RBFOX1: variants seen among roughly 807,000 people sequenced by gnomAD.
The protein encoded by RBFOX1 is RNA binding protein fox-1 homolog 1.
In RBFOX1, 8 loss-of-function variants were observed where a neutral mutation model predicts 57.7. That is an observed-to-expected ratio of 0.14 (90% CI 0.08 to 0.25). RBFOX1 has a LOEUF of 0.25. Ranked by LOEUF, RBFOX1 falls within the 10% of genes least tolerant of loss-of-function variation. The pLI is 1.00. For missense variants in RBFOX1, 611 were observed against 548.5 expected, an observed-to-expected ratio of 1.11 and a Z score of -1.14; for synonymous variants, 326 against 222.4, an observed-to-expected ratio of 1.47 and a Z score of -4.15.
intron 3 of RBFOX1, among the ~76,000 whole-genome samples, chr16:6,989,955 C>T (rs535081672): frequency 5.2e-4 from 79 of 152,054 alleles, no homozygotes; most frequent in African/African-American, 1.6e-3. Flanking sequence ...GAACTGAGAC[C>T]GCACCACCGC....
intron 3 of RBFOX1, among the ~76,000 whole-genome samples, chr16:7,036,076 A>G (rs532375507): frequency 6.6e-5 from 10 of 152,214 alleles, no homozygotes; most frequent in South Asian, 2.1e-4. Context: ...TCTTGTGTAA[A>G]GATCTCTTCA....
chr16:7,433,005 A>G (rs114537772), intron 4 of RBFOX1, among the ~76,000 whole-genome samples: 2 of 152,184 alleles, frequency 1.3e-5, no homozygotes, highest in Non-Finnish European at 2.9e-5. Context: ...AAGGAGGTTT[A>G]TATCTTGTAG....
intron 3 of RBFOX1, among the ~76,000 whole-genome samples, chr16:7,013,186 T>C (rs908706097): frequency 3.9e-5 from 6 of 152,248 alleles, no homozygotes; most frequent in Non-Finnish European, 8.8e-5. Context: ...TCATTGGCTT[T>C]GTGACTGAGA....
At chr16:6,940,076 C>G (rs2078094482) in intron 3 of RBFOX1, among the ~76,000 whole-genome samples, 2 of 152,104 alleles carry the variant, frequency 1.3e-5, no homozygotes, top group South Asian at 4.1e-4. Flanking sequence ...ATAGTAATCC[C>G]AGTTACTTGG....
intron 3 of RBFOX1, among the ~76,000 whole-genome samples, chr16:6,691,327 A>G (rs9927816): frequency 0.98 from 148,789 of 152,248 alleles, 72,775 homozygotes; most frequent in Middle Eastern, 1. Flanking sequence ...AATAAACATA[A>G]CTGTTTCTTA....
intron 3 of RBFOX1, chr16:5,632,374 G>C (rs543692773): frequency 6.6e-6 from 1 of 152,174 alleles, no homozygotes; most frequent in Non-Finnish European, 1.5e-5. Context: ...AACGTTATTT[G>C]ACCCCCTTAA....
chr16:5,835,845 T>C (rs755468848), intron 3 of RBFOX1, among the ~76,000 whole-genome samples: 1 of 152,202 alleles, frequency 6.6e-6, no homozygotes, highest in Non-Finnish European at 1.5e-5. Context: ...GGAGGAACCA[T>C]GCCCACAGGC....
chr16:7,383,138 C>G (rs187793482), intron 4 of RBFOX1, among the ~76,000 whole-genome samples: 148 of 152,120 alleles, frequency 9.7e-4, no homozygotes, highest in East Asian at 1.4e-3. Flanking sequence ...TTGTTCTGTG[C>G]TTCATTCAAG....
chr16:5,678,882 G>C (rs1481023057), intron 3 of RBFOX1, among the ~76,000 whole-genome samples: 1 of 152,154 alleles, frequency 6.6e-6, no homozygotes, highest in East Asian at 1.9e-4. Context: ...CCAGCTCATG[G>C]GTAAGGATGG....
chr16:7,059,824 T>G (rs2053689686), intron 4 of RBFOX1, among the ~76,000 whole-genome samples: 1 of 152,202 alleles, frequency 6.6e-6, no homozygotes, highest in Non-Finnish European at 1.5e-5. Flanking sequence ...CCAGCTGCAC[T>G]TTTCATTGTA....
chr16:6,111,458 C>T (rs11865262), intron 1 of RBFOX1, among the ~76,000 whole-genome samples: 6,216 of 152,192 alleles, frequency 0.041, 227 homozygotes, highest in African/African-American at 0.091. Context: ...AAGGAGTTTC[C>T]AAGAAAGTTT....
intron 3 of RBFOX1, among the ~76,000 whole-genome samples, chr16:5,659,807 T>C (rs1402504235): frequency 1.3e-5 from 2 of 152,208 alleles, no homozygotes; most frequent in East Asian, 3.9e-4. Flanking sequence ...GGCTTTGTCA[T>C]CAGTCAAATC....
Position 6,628,754 on chromosome 16 carries a change from C to T in RBFOX1, c.-63-25849C>T, listed in dbSNP as rs1050070201. On this transcript the variant is annotated intron_variant, in intron 2 of 15. Coordinates refer to ENST00000550418, the MANE Select transcript of RBFOX1 (RefSeq NM_018723.4). The stretch of plus-strand genomic sequence containing the variant: ...GACAGCTGAGTACACTTTTGTAACA[C>T]GAAGCTCTGTGAAGATATAGAACTG... 5.9e-5 allele frequency among the ~76,000 whole-genome samples: 9 copies of T among 152,248 alleles called. No homozygotes were observed. The East Asian group carries it at 7.7e-4, about 13-fold the overall frequency.
chr16:6,981,600 T>C (rs1434050960), intron 3 of RBFOX1, among the ~76,000 whole-genome samples: 1 of 152,144 alleles, frequency 6.6e-6, no homozygotes, highest in Non-Finnish European at 1.5e-5. Flanking sequence ...GGCCTCACAG[T>C]CATGATGGGA....
At chr16:7,155,270 G>C (rs1185724174) in intron 4 of RBFOX1, among the ~76,000 whole-genome samples, 1 of 151,978 alleles carries the variant, frequency 6.6e-6, no homozygotes, top group Non-Finnish European at 1.5e-5. Flanking sequence ...TAGAGTTCCA[G>C]AATAGCAAGT....
intron 2 of RBFOX1, among the ~76,000 whole-genome samples, chr16:6,598,781 A>G (rs559389267): frequency 2.0e-5 from 3 of 152,148 alleles, no homozygotes; most frequent in African/African-American, 7.2e-5. Flanking sequence ...CCCTGTCTCT[A>G]CTAAAAATAC....
At chr16:7,310,034 T>A (rs904172835) in intron 4 of RBFOX1, among the ~76,000 whole-genome samples, 1 of 152,234 alleles carries the variant, frequency 6.6e-6, no homozygotes, top group African/African-American at 2.4e-5. Flanking sequence ...CCCGTGGCTG[T>A]TGGCATGATG....
chr16:7,012,009 C>G (rs113565730), intron 3 of RBFOX1, among the ~76,000 whole-genome samples: 3 of 152,276 alleles, frequency 2.0e-5, no homozygotes, highest in African/African-American at 4.8e-5. Flanking sequence ...TCAATGAGGT[C>G]TAGTCCAGTC....
chr16:6,780,508 TTATA>T (rs1377397313), intron 3 of RBFOX1, among the ~76,000 whole-genome samples: 1 of 117,230 alleles, frequency 8.5e-6, no homozygotes, highest in African/African-American at 3.1e-5. Flanking sequence ...TTTTATATAT[TTATA>T]TATACATTTA....
Sources: allele counts gnomAD v4.1 joint callset (sites outside exome capture counted in the v4.1 genomes callset), GRCh38; gene constraint gnomAD v4.1.1; transcripts MANE v1.5; gene names NCBI Gene and HGNC (gene_info 2026-07-23, HGNC 2026-07-21).